The following LRRC37A2 variants were observed in gnomAD, a reference collection of about 807,000 sequenced individuals.
LRRC37A2 encodes leucine rich repeat containing 37 member A2, also known as leucine-rich repeat-containing protein 37A2.
In LRRC37A2, 9 loss-of-function variants were observed where a neutral mutation model predicts 68.8. The observed-to-expected ratio is 0.13, with a 90% CI of 0.08 to 0.23. The LOEUF is 0.23. LRRC37A2 is among the 10% of genes least tolerant of loss of function. LRRC37A2 has a pLI of 1.00. For missense variants in LRRC37A2, 168 were observed against 950.4 expected (o/e 0.18, Z 10.82); for synonymous variants, 63 against 367.6 (o/e 0.17, Z 9.48).
At chr17:46,673,910 G>GTGT in the LRRC37A2 span, among the ~76,000 whole-genome samples, 50 of 6,990 alleles carry the variant, frequency 7.2e-3, 7 homozygotes, top group East Asian at 0.044. Flanking sequence ...ATTCCATGGG[G>GTGT]GTGTGTGTGT....
chr17:46,951,742 C>G, the LRRC37A2 span, among the ~76,000 whole-genome samples: 2 of 152,194 alleles, frequency 1.3e-5, no homozygotes, highest in Non-Finnish European at 2.9e-5. Context: ...AAGGAAACCT[C>G]TAATTTTCTG....
chr17:46,829,340 T>C, the LRRC37A2 span, among the ~76,000 whole-genome samples: 1 of 152,150 alleles, frequency 6.6e-6, no homozygotes, highest in African/African-American at 2.4e-5. Context: ...GCTCATTTTT[T>C]TGTATTTTTA....
At chr17:46,853,917 A>G in the LRRC37A2 span, among the ~76,000 whole-genome samples, 1 of 152,162 alleles carries the variant, frequency 6.6e-6, no homozygotes, top group Non-Finnish European at 1.5e-5. Flanking sequence ...TGTTCTCAGC[A>G]GTGCATGGGG....
At chr17:46,940,805 C>T in the LRRC37A2 span, 3 of 1,482,188 alleles carry the variant, frequency 2.0e-6, no homozygotes, top group South Asian at 1.3e-5. Context: ...GTTTTTGGGT[C>T]TTTACCACCT....
the LRRC37A2 span, among the ~76,000 whole-genome samples, chr17:46,953,665 C>T: frequency 2.6e-5 from 4 of 152,202 alleles, no homozygotes; most frequent in Non-Finnish European, 2.9e-5. Context: ...GTCCCGCCAA[C>T]AGTGTAAAAG....
the LRRC37A2 span, among the ~76,000 whole-genome samples, chr17:46,744,216 TAATTC>T: frequency 6.6e-6 from 1 of 152,246 alleles, no homozygotes; most frequent in South Asian, 2.1e-4. Flanking sequence ...CCAAATCTCA[TAATTC>T]TATTAAGTAC....
chr17:46,751,432 G>A, the LRRC37A2 span: 3 of 1,067,468 alleles, frequency 2.8e-6, no homozygotes, highest in Non-Finnish European at 4.3e-6. Context: ...TCTTTTAAAG[G>A]TAAATAGAAT....
At chr17:46,973,508 T>A in the LRRC37A2 span, among the ~76,000 whole-genome samples, 8 of 152,048 alleles carry the variant, frequency 5.3e-5, no homozygotes, top group African/African-American at 1.9e-4. Flanking sequence ...GCGTTCCCCA[T>A]GGGTTAAACT....
the LRRC37A2 span, among the ~76,000 whole-genome samples, chr17:46,746,584 TGA>T: frequency 6.6e-6 from 1 of 152,046 alleles, no homozygotes; most frequent in Non-Finnish European, 1.5e-5. Context: ...ATCTATGGAC[TGA>T]GTGTGTATTA....
At chr17:46,749,803 A>G in the LRRC37A2 span, 1 of 1,613,946 alleles carries the variant, frequency 6.2e-7, no homozygotes, top group South Asian at 1.1e-5. Context: ...TGGGACCACT[A>G]GCCGCAAAGA....
At chr17:46,926,902 G>A in the LRRC37A2 span, among the ~76,000 whole-genome samples, 1 of 152,210 alleles carries the variant, frequency 6.6e-6, no homozygotes, top group African/African-American at 2.4e-5. Flanking sequence ...GGGTATGCCA[G>A]AACCTCTCTA....
At chr17:46,844,753 T>C in the LRRC37A2 span, among the ~76,000 whole-genome samples, 2 of 152,228 alleles carry the variant, frequency 1.3e-5, no homozygotes, top group African/African-American at 4.8e-5. Context: ...TAGTAAATTA[T>C]GGCATATTTT....
chr17:46,704,676 A>G, the LRRC37A2 span: 20 of 1,515,176 alleles, frequency 1.3e-5, no homozygotes, highest in South Asian at 2.4e-4. Flanking sequence ...TAAATCCTCA[A>G]GAGTTACGTT....
the LRRC37A2 span, among the ~76,000 whole-genome samples, chr17:47,030,139 C>A: frequency 1.6e-5 from 2 of 124,636 alleles, no homozygotes; most frequent in African/African-American, 3.1e-5. Context: ...TCATCATCAT[C>A]TAGCCAGCTT....
chr17:46,896,470 AAGAAAGAC>A, the LRRC37A2 span, among the ~76,000 whole-genome samples: 1,859 of 131,768 alleles, frequency 0.014, 125 homozygotes, highest in African/African-American at 0.06. Context: ...GAAAGAAAGA[AAGAAAGAC>A]AGACCAAGGC....
At chr17:46,994,111 G>A in the LRRC37A2 span, among the ~76,000 whole-genome samples, 8 of 152,196 alleles carry the variant, frequency 5.3e-5, no homozygotes, top group South Asian at 1.2e-3. Flanking sequence ...GGGGCTGGGC[G>A]TGGTGGCTCA....
the LRRC37A2 span, chr17:46,764,192 TC>T: frequency 6.6e-6 from 1 of 152,450 alleles, no homozygotes; most frequent in South Asian, 2.1e-4. Context: ...CCTCCAGGCG[TC>T]TTGGAATGTC....
chr17:46,978,645 T>A, the LRRC37A2 span: 1 of 1,594,838 alleles, frequency 6.3e-7, no homozygotes, highest in Admixed American at 1.7e-5. Flanking sequence ...CAGATGGCGC[T>A]CAGTACAGCC....
the LRRC37A2 span, among the ~76,000 whole-genome samples, chr17:46,493,241 G>A: frequency 9.8e-5 from 13 of 132,598 alleles, no homozygotes; most frequent in Middle Eastern, 3.8e-3. Context: ...CACTGCAGCC[G>A]CCACCTTCTG....
Sources: allele counts gnomAD v4.1 joint callset (sites outside exome capture counted in the v4.1 genomes callset), GRCh38; gene constraint gnomAD v4.1.1; transcripts MANE v1.5; gene names NCBI Gene and HGNC (gene_info 2026-07-23, HGNC 2026-07-21).